The following FAM53C variants were observed in gnomAD, a reference collection of about 807,000 sequenced individuals.
The protein encoded by FAM53C is protein FAM53C.
A neutral mutation model predicts 34.7 loss-of-function variants in FAM53C; 10 were observed. That is an observed-to-expected ratio of 0.29 (90% CI 0.18 to 0.49). The LOEUF (loss-of-function observed/expected upper bound fraction) is 0.49. Among genes scored for constraint, FAM53C ranks in the 20% least tolerant of loss-of-function variants. The probability of loss-of-function intolerance (pLI) is 0.99; values close to 1 mark genes in which losing one functional copy is unlikely to be tolerated. For synonymous variants in FAM53C, 203 were observed against 203.6 expected (o/e 1.00, Z 0.03); for missense variants, 442 against 515.3 (o/e 0.86, Z 1.38).
chr5:138,341,901 A>G, intron 3 of FAM53C, 35 bp downstream of exon 3: 2 of 1,601,908 alleles, frequency 1.2e-6, no homozygotes, highest in Non-Finnish European at 1.7e-6. Context: ...ACGTGTGTGT[A>G]CCCATTCCTC....
In FAM53C at chr5:138,341,285, A is replaced by G. The variant is rs766221418; in HGVS notation, c.-51A>G. The G allele has an allele frequency of 2.0e-6, 3 of 1,466,594 alleles. No homozygotes were observed. The highest frequency in any genetic ancestry group is 2.3e-5 in the South Asian group (2 of 88,152). 90.8% of individuals were successfully genotyped at this position (1,466,594 alleles called of 1,614,324 possible). ...GTGAGGTCTGGAAGAACAACAGGGAAGACATCCATCATTTGCTCCAAAGTG... is the reference window on the plus strand; with the variant it reads ...GTGAGGTCTGGAAGAACAACAGGGAGGACATCCATCATTTGCTCCAAAGTG... On this transcript the variant is annotated 5_prime_UTR_variant, in exon 2 of 5. Coordinates refer to ENST00000239906, the MANE Select transcript of FAM53C (RefSeq NM_016605.3).
rs1761232729 is a variant in FAM53C, at chr5:138,348,176, G to C, written c.*1217G>C. ...GAAGTGTTTATTTGCCTCTAATTGG[G>C]CCTGAGAGACCATAGGGAGGTTGGG... On this transcript the variant is annotated 3_prime_UTR_variant, in exon 5 of 5. Coordinates refer to ENST00000239906, the MANE Select transcript of FAM53C (RefSeq NM_016605.3). 6.5e-6 allele frequency: 1 copy of C among 152,696 alleles called. No individual in the cohort carries two copies. The highest frequency in any genetic ancestry group is 2.4e-5 in the African/African-American group (1 of 41,446). 9.5% of individuals were successfully genotyped at this position (152,696 alleles called of 1,614,324 possible).
Position 138,345,214 on chromosome 5 carries a change from C to T in FAM53C, c.526C>T (p.Pro176Ser). 1 of 1,614,226 alleles carries T rather than the reference C, an allele frequency of 6.2e-7. No individual in the cohort carries two copies. Among genetic ancestry groups the T allele is most frequent in the South Asian group, 1.1e-5 (1 of 91,088 alleles). Residue 176 changes from proline (P) to serine (S), a missense_variant, in exon 4 of 5, where the codon CCC becomes TCC. Coordinates refer to ENST00000239906, the MANE Select transcript of FAM53C (RefSeq NM_016605.3). This position sits in a 1 kb window ranked among gnomAD's most constrained non-coding sequence, Gnocchi z 6.3. Reference sequence around the variant, plus strand: ...CTCCAGCCTCAGGTTCCTCCAAGCTCCCAGTGCCTCTTCTCAATGTGCCCC... The same window carrying T: ...CTCCAGCCTCAGGTTCCTCCAAGCTTCCAGTGCCTCTTCTCAATGTGCCCC... ...RVSSLRFLQAPSASSQCAPAH... is the reference protein window; with the variant it reads ...RVSSLRFLQASSASSQCAPAH...
rs770875735 is a variant in FAM53C at position 138,345,661 on chromosome 5, G to A, written c.921+52G>A. ...TAGATGGGAGTGTGGGGACTGTTCT[G>A]TTTCCACTTTTGAGCTAGCCCCTAG... On this transcript the variant is annotated intron_variant, in intron 4 of 4. Coordinates refer to ENST00000239906, the MANE Select transcript of FAM53C (RefSeq NM_016605.3). This position sits in a 1 kb window ranked among gnomAD's most constrained non-coding sequence, Gnocchi z 6.3. 4.5e-6 allele frequency: 7 copies of A among 1,555,628 alleles called. No individual in the cohort carries two copies. The South Asian group carries it at 8.5e-5, about 19-fold the overall frequency.
At position 138,345,843 on chromosome 5, in the gene FAM53C, G is replaced by T. The variant is rs561656382; in HGVS notation, c.921+234G>T. ...TAATCCTGGGAGTTAGAGAAACTGGGGTGAGACCCATGTTAAACCTTCCAA... is the reference window on the plus strand; with the variant it reads ...TAATCCTGGGAGTTAGAGAAACTGGTGTGAGACCCATGTTAAACCTTCCAA... On this transcript the variant is annotated intron_variant, in intron 4 of 4. Coordinates refer to ENST00000239906, the MANE Select transcript of FAM53C (RefSeq NM_016605.3). The surrounding 1 kb of genome is among the most constrained non-coding windows in gnomAD (Gnocchi z 6.3). Among the ~76,000 whole-genome samples the T allele has an allele frequency of 1.3e-5, 2 of 152,276 alleles. No individual in the cohort carries two copies. Among genetic ancestry groups the T allele is most frequent in the Admixed American group, 1.3e-4 (2 of 15,306 alleles).
chr5:138,344,153 AG>A (rs1761105584), intron 3 of FAM53C, among the ~76,000 whole-genome samples: 2 of 152,318 alleles, frequency 1.3e-5, no homozygotes, highest in East Asian at 3.9e-4. Context: ...GAGAAGGCCT[AG>A]GGGAAGGGAA....
chr5:138,343,044 AC>A (rs1392246824), intron 3 of FAM53C: 1 of 151,956 alleles, frequency 6.6e-6, no homozygotes, highest in East Asian at 1.9e-4. Context: ...AAAACAAAAA[AC>A]AAAAAAAACT....
At chr5:138,338,691 T>C (rs1180607098) in intron 1 of FAM53C, among the ~76,000 whole-genome samples, 3 of 147,012 alleles carry the variant, frequency 2.0e-5, no homozygotes, top group Middle Eastern at 7.1e-3. Flanking sequence ...GGGCCTAGCC[T>C]TTTGCTTCTT....
intron 3 of FAM53C, among the ~76,000 whole-genome samples, chr5:138,343,529 GAAAA>G (rs761322523): frequency 1.1e-4 from 16 of 150,904 alleles, no homozygotes; most frequent in East Asian, 9.7e-4. Context: ...AAAAAAGAAA[GAAAA>G]AAGAAACTGT....
chr5:138,338,516 C>G (rs1760894794), intron 1 of FAM53C, among the ~76,000 whole-genome samples: 1 of 152,034 alleles, frequency 6.6e-6, no homozygotes, highest in Non-Finnish European at 1.5e-5. Context: ...GTCCTGAGTT[C>G]GCTTCCCGCG....
At chr5:138,340,515 A>C (rs1761005834) in intron 1 of FAM53C, among the ~76,000 whole-genome samples, 1 of 152,240 alleles carries the variant, frequency 6.6e-6, no homozygotes, top group African/African-American at 2.4e-5. Context: ...AACTGTATCC[A>C]TGGACTTTGC....
Position 138,347,154 on chromosome 5 carries a change from C to A in FAM53C, c.*195C>A. ...ACTGGCCGGGACAAGATAAACGGAGCTGGTGGCGGGAGGGACAGCCCCAGA... is the reference window on the plus strand; with the variant it reads ...ACTGGCCGGGACAAGATAAACGGAGATGGTGGCGGGAGGGACAGCCCCAGA... On this transcript the variant is annotated 3_prime_UTR_variant, in exon 5 of 5. Coordinates refer to ENST00000239906, the MANE Select transcript of FAM53C (RefSeq NM_016605.3). 1 of 766,210 alleles carries A rather than the reference C, an allele frequency of 1.3e-6. No homozygotes were observed. The highest frequency in any genetic ancestry group is 2.1e-6 in the Non-Finnish European group (1 of 487,632). The allele number at this position is 766,210 out of a possible 1,614,324, so 47.5% of individuals were successfully genotyped here. A position where few individuals can be genotyped will look rare whatever the true frequency, so the allele number is the denominator to read the frequency against.
chr5:138,344,588 C>T (rs1026203901), intron 3 of FAM53C, among the ~76,000 whole-genome samples: 6 of 152,198 alleles, frequency 3.9e-5, no homozygotes, highest in East Asian at 1.9e-4. Context: ...ACCTAGCCTT[C>T]GCATCAGACA....
rs1010788172 is a variant in FAM53C, at chr5:138,345,891, A to G, written c.921+282A>G. On this transcript the variant is annotated intron_variant, in intron 4 of 4. Transcript: ENST00000239906. The surrounding 1 kb of genome is among the most constrained non-coding windows in gnomAD (Gnocchi z 6.3). ...CAACAGAGATCCCAAATTGTCCTGCAAGAGGTACTTTCCCTCCTTTCCAAG... is the reference window on the plus strand; with the variant it reads ...CAACAGAGATCCCAAATTGTCCTGCGAGAGGTACTTTCCCTCCTTTCCAAG... 2.6e-5 allele frequency among the ~76,000 whole-genome samples: 4 copies of G among 152,236 alleles called. No homozygotes were observed. Among genetic ancestry groups the G allele is most frequent in the Non-Finnish European group, 5.9e-5 (4 of 68,042 alleles).
upstream of FAM53C, chr5:138,338,076 T>A: frequency 3.1e-6 from 4 of 1,289,792 alleles, no homozygotes; most frequent in Non-Finnish European, 4.0e-6. Context: ...CATCCCTAAA[T>A]CAAAGCGCCA....
rs1761138615 is a variant in FAM53C, at chr5:138,345,297, T to G, written c.609T>G (p.Ser203=). The G allele has an allele frequency of 1.2e-6, 2 of 1,614,164 alleles. No individual in the cohort carries two copies. Among genetic ancestry groups the G allele is most frequent in the Non-Finnish European group, 1.7e-6 (2 of 1,180,026 alleles). The change falls in exon 4 of 5, where the codon TCT becomes TCG. Residue 203 remains serine, a synonymous_variant. Coordinates refer to ENST00000239906, the MANE Select transcript of FAM53C (RefSeq NM_016605.3). The surrounding 1 kb of genome is among the most constrained non-coding windows in gnomAD (Gnocchi z 6.3). The stretch of plus-strand genomic sequence containing the variant: ...GCCTGGCCCTGGCCCAAGATTCCTC[T>G]CGACCCTGCGCCGCCTCCCCTCAAA... ...FFSLALAQDS[S]RPCAASPQSG...
In FAM53C at chr5:138,341,876, C is replaced by G. The variant is rs769532071; in HGVS notation, c.136+10C>G. On this transcript the variant is annotated intron_variant, in intron 3 of 4. Coordinates refer to ENST00000239906, the MANE Select transcript of FAM53C (RefSeq NM_016605.3). The stretch of plus-strand genomic sequence containing the variant: ...TTCCAGCTTGTGTCTGGTAAGGCAT[C>G]GTGTGTGTTTGTGTACGTGTGTGTA... 6.2e-7 allele frequency: 1 copy of G among 1,613,744 alleles called. No homozygotes were observed. Among genetic ancestry groups the G allele is most frequent in the Non-Finnish European group, 8.5e-7 (1 of 1,179,640 alleles).
upstream of FAM53C, chr5:138,337,755 A>C (rs1055086150): frequency 2.8e-6 from 1 of 356,130 alleles, no homozygotes; most frequent in Non-Finnish European, 5.3e-6. Flanking sequence ...CGCTTGGACC[A>C]CACTTCCCAG....
At chr5:138,346,538 G>A (rs1281349499) in intron 4 of FAM53C, among the ~76,000 whole-genome samples, 164 bp from the exon 5 acceptor site, 1 of 152,148 alleles carries the variant, frequency 6.6e-6, no homozygotes, top group Admixed American at 6.5e-5. Context: ...GCAGGAGAAT[G>A]GCGTGAACCC....
Sources: allele counts gnomAD v4.1 joint callset (sites outside exome capture counted in the v4.1 genomes callset), GRCh38; gene constraint gnomAD v4.1.1; non-coding constraint Gnocchi (gnomAD v3.1); transcripts MANE v1.5; gene names NCBI Gene and HGNC (gene_info 2026-07-23, HGNC 2026-07-21).